Variants in PFKFB2 observed in about 807,000 individuals in gnomAD.
PFKFB2 encodes 6-phosphofructo-2-kinase/fructose-2,6-bisphosphatase 2.
Under a neutral mutation model 68.0 loss-of-function variants are expected in PFKFB2, and 53 were observed. That is an observed-to-expected ratio of 0.78 (90% CI 0.63 to 0.98). The LOEUF is 0.98. Among genes scored for constraint, PFKFB2 ranks in the 50% least tolerant of loss-of-function variants. PFKFB2 has a pLI of 0.00. For synonymous variants in PFKFB2, 222 were observed against 227.6 expected, an observed-to-expected ratio of 0.98 and a Z score of 0.22; for missense variants, 451 against 642.0, an observed-to-expected ratio of 0.70 and a Z score of 3.22.
In PFKFB2 at chr1:207,073,160, C is replaced by T; in HGVS notation, c.*789C>T. Reference sequence around the variant, plus strand: ...GAAACAGTTCTAAGTCTTCGATGCCCTGGGAGAATCTGGCTCTGAGCATGT... The same window carrying T: ...GAAACAGTTCTAAGTCTTCGATGCCTTGGGAGAATCTGGCTCTGAGCATGT... On this transcript the variant is annotated 3_prime_UTR_variant, in exon 15 of 15. Transcript: ENST00000367080. 1.6e-5 allele frequency: 16 copies of T among 985,498 alleles called. No individual in the cohort carries two copies. Among genetic ancestry groups the T allele is most frequent in the Non-Finnish European group, 1.9e-5 (16 of 829,982 alleles). 61.0% of individuals were successfully genotyped at this position (985,498 alleles called of 1,614,324 possible).
chr1:207,061,596 G>C (rs1683118184), intron 2 of PFKFB2, among the ~76,000 whole-genome samples: 1 of 152,098 alleles, frequency 6.6e-6, no homozygotes, highest in South Asian at 2.1e-4. Context: ...AACCTTACTA[G>C]ACCCCAGCGG....
At chr1:207,047,521 T>TA (rs1285130482) in intron 2 of PFKFB2, 4 of 152,598 alleles carry the variant, frequency 2.6e-5, no homozygotes, top group Non-Finnish European at 5.9e-5. Context: ...AGATACTTAA[T>TA]AAAAAAGAGA....
In PFKFB2 at chr1:207,076,901, G is replaced by A; in HGVS notation, c.*4530G>A. On this transcript the variant is annotated 3_prime_UTR_variant, in exon 15 of 15. Coordinates refer to ENST00000367080, the MANE Select transcript of PFKFB2 (RefSeq NM_006212.2). ...TCCATTGAAGTGTATGTACATTATG[G>A]TAATTCTCTGTCTATTAAATGTGTC... The A allele has an allele frequency of 1.0e-6, 1 of 983,776 alleles. No homozygotes were observed. The highest frequency in any genetic ancestry group is 1.2e-6 in the Non-Finnish European group (1 of 828,462). 60.9% of individuals were successfully genotyped at this position (983,776 alleles called of 1,614,324 possible).
Position 207,054,684 on chromosome 1 carries a change from C to A in PFKFB2, c.-17-17C>A, listed in dbSNP as rs754044182. ...TTCTTCCCCTTCCCTTTTTTACATT[C>A]TACTTCTCTGTTTCAGACATCTGAA... On this transcript the variant is annotated splice_polypyrimidine_tract_variant and intron_variant, in intron 1 of 14. Transcript: ENST00000367080. 1.3e-6 allele frequency: 2 copies of A among 1,529,882 alleles called. No homozygotes were observed. The highest frequency in any genetic ancestry group is 1.1e-5 in the South Asian group (1 of 87,696). 94.8% of individuals were successfully genotyped at this position (1,529,882 alleles called of 1,614,324 possible).
In PFKFB2 at chr1:207,062,792, G is replaced by A. The variant is rs906862169; in HGVS notation, c.308+76G>A. On this transcript the variant is annotated intron_variant, in intron 4 of 14. Transcript: ENST00000367080. ...ATGAGACTTGGTGTGACAGGGCTTG[G>A]TTTCATCTCAGTAAATATCTTAAGG... is the stretch of plus-strand genomic sequence containing the variant. 8.0e-6 allele frequency: 11 copies of A among 1,375,960 alleles called. No homozygotes were observed. The Admixed American group carries it at 9.6e-5, about 12-fold the overall frequency. The allele number at this position is 1,375,960 out of a possible 1,614,324, so 85.2% of individuals were successfully genotyped here. A position where few individuals can be genotyped will look rare whatever the true frequency, so the allele number is the denominator to read the frequency against.
In PFKFB2 at chr1:207,070,017, AAC is replaced by A. The variant is rs1025392428; in HGVS notation, c.1093-251_1093-250del. On this transcript the variant is annotated intron_variant, in intron 11 of 14. Transcript: ENST00000367080. The surrounding 1 kb of genome is among the most constrained non-coding windows in gnomAD (Gnocchi z 4.2). Reference sequence around the variant, plus strand: ...CCTGTATTAATCTGTGGGAAGAAAAAACACACACACACAGGTTGAACTCACAC... The same window carrying A: ...CCTGTATTAATCTGTGGGAAGAAAAAACACACACACAGGTTGAACTCACAC... 1.6e-5 allele frequency among the ~76,000 whole-genome samples: 2 copies of A among 123,070 alleles called. No homozygotes were observed. The highest frequency in any genetic ancestry group is 5.0e-5 in the African/African-American group (2 of 40,288). 80.7% of individuals were successfully genotyped at this position (123,070 alleles called of 152,430 possible).
upstream of PFKFB2, chr1:207,049,567 T>C (rs772028326): frequency 3.7e-6 from 6 of 1,614,074 alleles, no homozygotes; most frequent in African/African-American, 5.3e-5. Flanking sequence ...TTCGACGACA[T>C]AGTACACACT....
Position 207,073,615 on chromosome 1 carries a change from A to C in PFKFB2, c.*1244A>C. 1 of 985,016 alleles carries C rather than the reference A, an allele frequency of 1.0e-6. No individual in the cohort carries two copies. The allele number at this position is 985,016 out of a possible 1,614,324, so 61.0% of individuals were successfully genotyped here. On this transcript the variant is annotated 3_prime_UTR_variant, in exon 15 of 15. Coordinates refer to ENST00000367080, the MANE Select transcript of PFKFB2 (RefSeq NM_006212.2). ...CTCTCATTGGAGTATTCTTTTGTTCATAAAGAGAAACTATCTCATCTTGAT... is the reference window on the plus strand; with the variant it reads ...CTCTCATTGGAGTATTCTTTTGTTCCTAAAGAGAAACTATCTCATCTTGAT...
In PFKFB2 at chr1:207,073,564, G is replaced by T; in HGVS notation, c.*1193G>T. On this transcript the variant is annotated 3_prime_UTR_variant, in exon 15 of 15. Coordinates refer to ENST00000367080, the MANE Select transcript of PFKFB2 (RefSeq NM_006212.2). ...CATGACCATTTTTTTCCCAAATGTG[G>T]AAAAGCTTGATGATGAATTTAATCT... 1 of 985,150 alleles carries T rather than the reference G, an allele frequency of 1.0e-6. No homozygotes were observed. The highest frequency in any genetic ancestry group is 1.2e-6 in the Non-Finnish European group (1 of 829,692). 61.0% of individuals were successfully genotyped at this position (985,150 alleles called of 1,614,324 possible). A position where few individuals can be genotyped will look rare whatever the true frequency, so the allele number is the denominator to read the frequency against.
At chr1:207,061,055 A>ATATATATCTTTATATATATCTT (rs1197197900) in intron 2 of PFKFB2, 11 of 93,296 alleles carry the variant, frequency 1.2e-4, no homozygotes, top group Non-Finnish European at 2.5e-4. Context: ...TATATATTTT[A>ATATATATCTTTATATATATCTT]TATATATCTT....
downstream of PFKFB2, chr1:207,080,186 A>G (rs781651146): frequency 6.6e-6 from 1 of 152,212 alleles, no homozygotes; most frequent in Non-Finnish European, 1.5e-5. Flanking sequence ...ACTGAAGGAG[A>G]GTATGGAATC....
At position 207,063,012 on chromosome 1, in the gene PFKFB2, A is replaced by G. The variant is rs1280014128; in HGVS notation, c.309-131A>G. The G allele has an allele frequency of 7.6e-6, 6 of 793,184 alleles. No homozygotes were observed. Among genetic ancestry groups the G allele is most frequent in the South Asian group, 1.5e-5 (1 of 68,000 alleles). The allele number at this position is 793,184 out of a possible 1,614,324, so 49.1% of individuals were successfully genotyped here. A position where few individuals can be genotyped will look rare whatever the true frequency, so the allele number is the denominator to read the frequency against. ...CCTCAGTGAGAAAGTTGAAAGATCT[A>G]GTTAGAGAAAGGTTTTGAACAGTGG... On this transcript the variant is annotated intron_variant, in intron 4 of 14. Coordinates refer to ENST00000367080, the MANE Select transcript of PFKFB2 (RefSeq NM_006212.2). This position sits in a 1 kb window ranked among gnomAD's most constrained non-coding sequence, Gnocchi z 4.1.
chr1:207,044,547 C>T (rs1682548393), intron 2 of PFKFB2: 1 of 152,436 alleles, frequency 6.6e-6, no homozygotes, highest in Admixed American at 6.5e-5. Context: ...TTCACCATTC[C>T]TAAACTCCTA....
chr1:207,067,530 G>A lies in PFKFB2; in HGVS notation c.664G>A (p.Gly222Ser), dbSNP rs749172793. ...DLSFIKVINV[G>S]QRFLVNRVQD... ...TTCTTTCATCAAGGTGATAAACGTG[G>A]GCCAGCGATTTTTAGTCAACAGAGT... is the stretch of plus-strand genomic sequence containing the variant. The change falls in exon 9 of 15, where the codon GGC (glycine) becomes AGC (serine). Residue 222 changes from glycine (G) to serine (S), a missense_variant. By Grantham distance (56) the Gly-to-Ser change is moderately conservative (BLOSUM62 0). Transcript: ENST00000367080. 1 of 1,613,832 alleles carries A rather than the reference G, an allele frequency of 6.2e-7. No homozygotes were observed. Among genetic ancestry groups the A allele is most frequent in the Non-Finnish European group, 8.5e-7 (1 of 1,179,912 alleles).
At chr1:207,069,718 G>A (rs1178668676) in intron 11 of PFKFB2, among the ~76,000 whole-genome samples, 190 bp downstream of exon 11, 3 of 152,160 alleles carry the variant, frequency 2.0e-5, no homozygotes, top group South Asian at 4.1e-4. Context: ...CCAGGGATAA[G>A]GGTGACAAGG....
intron 1 of PFKFB2, among the ~76,000 whole-genome samples, chr1:207,038,724 C>T (rs948661304): frequency 6.6e-6 from 1 of 152,090 alleles, no homozygotes; most frequent in African/African-American, 2.4e-5. Context: ...GATGTCATAA[C>T]AAGGTTTGAG....
At chr1:207,035,966 G>A (rs115940287) in intron 1 of PFKFB2, among the ~76,000 whole-genome samples, 4 of 152,142 alleles carry the variant, frequency 2.6e-5, no homozygotes, top group Admixed American at 6.5e-5. Context: ...CACATAGTAC[G>A]TTAGTCTGTT....
In PFKFB2 at chr1:207,074,256, C is replaced by G. The variant is rs1683557853; in HGVS notation, c.*1885C>G. On this transcript the variant is annotated 3_prime_UTR_variant, in exon 15 of 15. Transcript: ENST00000367080. ...CTAGGAATTCTGAATTCCTCATAGT[C>G]CTGAAAGGACAGTTCTTTGGGTTTG... 1 of 985,086 alleles carries G rather than the reference C, an allele frequency of 1.0e-6. No homozygotes were observed. The highest frequency in any genetic ancestry group is 4.7e-5 in the South Asian group (1 of 21,274). 61.0% of individuals were successfully genotyped at this position (985,086 alleles called of 1,614,324 possible).
At chr1:207,048,858 T>C, upstream of PFKFB2, 2 of 676,700 alleles carry the variant, frequency 3.0e-6, no homozygotes, top group Non-Finnish European at 5.0e-6. Flanking sequence ...TGCACACTAA[T>C]TTTAATCTTA....
Sources: allele counts gnomAD v4.1 joint callset (sites outside exome capture counted in the v4.1 genomes callset), GRCh38; gene constraint gnomAD v4.1.1; non-coding constraint Gnocchi (gnomAD v3.1); transcripts MANE v1.5; gene names NCBI Gene and HGNC (gene_info 2026-07-23, HGNC 2026-07-21).